Variants in C1QTNF8 observed in about 807,000 individuals in gnomAD.
The protein encoded by C1QTNF8 is C1q and TNF related 8.
In C1QTNF8, 27 loss-of-function variants were observed where a neutral mutation model predicts 19.2. The observed-to-expected ratio is 1.41, with a 90% CI of 1.04 to 1.94. The LOEUF (loss-of-function observed/expected upper bound fraction) is 1.94, where lower values mean the gene tolerates loss of function less well. Ranked by LOEUF, C1QTNF8 falls within the 30% of genes most tolerant of loss-of-function variation. C1QTNF8 has a pLI of 0.00. For synonymous variants in C1QTNF8, 208 were observed against 172.8 expected, an observed-to-expected ratio of 1.20 and a Z score of -1.60; for missense variants, 484 against 374.4, an observed-to-expected ratio of 1.29 and a Z score of -2.42.
chr16:1,094,516 A>C, intron 3 of C1QTNF8, 199 bp downstream of exon 3: 1 of 503,698 alleles, frequency 2.0e-6, no homozygotes, highest in Non-Finnish European at 3.5e-6. Flanking sequence ...ACTTTGGTTC[A>C]TGGGTCCCTC....
intron 3 of C1QTNF8, 148 bp downstream of exon 3, chr16:1,094,567 G>T: frequency 1.8e-6 from 1 of 563,124 alleles, no homozygotes; most frequent in Non-Finnish European, 2.9e-6. Flanking sequence ...GGAGCCCAGG[G>T]GTCCCTGTGC....
intron 4 of C1QTNF8, among the ~76,000 whole-genome samples, chr16:1,092,200 C>A (rs943849453): frequency 1.9e-4 from 29 of 152,214 alleles, no homozygotes; most frequent in African/African-American, 6.3e-4. Flanking sequence ...AGGGCAGGTG[C>A]GGGTCAGACT....
chr16:1,094,342 T>C (rs1475105882), intron 3 of C1QTNF8, among the ~76,000 whole-genome samples: 1 of 152,074 alleles, frequency 6.6e-6, no homozygotes, highest in East Asian at 1.9e-4. Flanking sequence ...ATGAGAAGGC[T>C]GGGAAGGTCC....
intron 2 of C1QTNF8, among the ~76,000 whole-genome samples, chr16:1,095,229 TC>T (rs1358632574): frequency 4.6e-5 from 7 of 152,144 alleles, no homozygotes; most frequent in Admixed American, 6.5e-5. Context: ...GACACAGAGG[TC>T]TCTGAGACAG....
chr16:1,091,333 C>T (rs928976199), intron 4 of C1QTNF8, among the ~76,000 whole-genome samples: 7 of 152,102 alleles, frequency 4.6e-5, no homozygotes, highest in Admixed American at 4.6e-4. Context: ...GCTGCTCCTG[C>T]CCGGGCCCAG....
At position 1,094,801 on chromosome 16, in the gene C1QTNF8, C is replaced by G. The variant is rs771420199; in HGVS notation, c.122G>C (p.Arg41Pro). 5 of 1,529,792 alleles carry G rather than the reference C, an allele frequency of 3.3e-6. No homozygotes were observed. The highest frequency in any genetic ancestry group is 2.6e-5 in the East Asian group (1 of 38,864). The allele number at this position is 1,529,792 out of a possible 1,614,324, so 94.8% of individuals were successfully genotyped here. ...CCTCCACAGGTCCCTGTCACTCACC[C>G]GGGCATAGGGTCCAGGGGGCCAGGC... ...RPAWPPGPYA[R>P]VSDRDLWRGD... The change falls in exon 3 of 5, where the codon CGG becomes CCG. Residue 41 changes from arginine (R) to proline (P), a missense_variant. By Grantham distance (103) the Arg-to-Pro change is moderately radical (BLOSUM62 -2). Coordinates refer to ENST00000328449, the MANE Select transcript of C1QTNF8 (RefSeq NM_207419.3).
At chr16:1,091,753 G>C (rs1960548272) in intron 4 of C1QTNF8, among the ~76,000 whole-genome samples, 1 of 152,098 alleles carries the variant, frequency 6.6e-6, no homozygotes, top group African/African-American at 2.4e-5. Flanking sequence ...CATTCAGACA[G>C]ACTGAGGACC....
chr16:1,090,680 G>C (rs961796997), intron 4 of C1QTNF8, 86 bp from the exon 5 acceptor site: 2 of 152,338 alleles, frequency 1.3e-5, no homozygotes, highest in Admixed American at 1.3e-4. Flanking sequence ...TTGGGAGATG[G>C]CCCCTGACCC....
chr16:1,089,270 G>T lies in C1QTNF8; in HGVS notation c.*1329C>A, dbSNP rs1057188108. On this transcript the variant is annotated 3_prime_UTR_variant, in exon 5 of 5. Transcript: ENST00000328449. ...GGGGCCAAGAACCTCTGCATGGCCA[G>T]CCGGGACCCCCACCCCCAGCAGCCC... Among the ~76,000 whole-genome samples the T allele has an allele frequency of 6.6e-6, 1 of 152,140 alleles. No homozygotes were observed. The highest frequency in any genetic ancestry group is 2.4e-5 in the African/African-American group (1 of 41,418).
Position 1,093,738 on chromosome 16 carries a change from G to C in C1QTNF8, c.522C>G (p.Asn174Lys), listed in dbSNP as rs1324336740. The change falls in exon 4 of 5, where the codon AAC (asparagine) becomes AAG (lysine). Residue 174 changes from asparagine (N) to lysine (K), a missense_variant. Transcript: ENST00000328449. ...TGATGTGCAGGTAGGTCTCCTTGTA[G>C]TTCCAGGTGTGCACGTTGAGGCTGA... ...YFLSLNVHTWNYKETYLHIML... is the reference protein window; with the variant it reads ...YFLSLNVHTWKYKETYLHIML... The C allele has an allele frequency of 1.9e-6, 3 of 1,612,102 alleles. No individual in the cohort carries two copies. Among genetic ancestry groups the C allele is most frequent in the African/African-American group, 2.7e-5 (2 of 74,916 alleles).
chr16:1,096,281 G>A (rs974514846), upstream of C1QTNF8: 5 of 152,214 alleles, frequency 3.3e-5, no homozygotes, highest in South Asian at 2.1e-4. Context: ...CAGCTCCGCC[G>A]AGCCCTGGAC....
chr16:1,093,483 G>T lies in C1QTNF8; in HGVS notation c.*4+14C>A. On this transcript the variant is annotated intron_variant, in intron 4 of 4. Coordinates refer to ENST00000328449, the MANE Select transcript of C1QTNF8 (RefSeq NM_207419.3). The stretch of plus-strand genomic sequence containing the variant: ...GCGCGCGCGCGCCCGGTGCTCAGCC[G>T]CGGGGCCCCTCACCCGGCTACAGCT... 1 of 1,454,704 alleles carries T rather than the reference G, an allele frequency of 6.9e-7. No homozygotes were observed. 90.1% of individuals were successfully genotyped at this position (1,454,704 alleles called of 1,614,324 possible). A position where few individuals can be genotyped will look rare whatever the true frequency, so the allele number is the denominator to read the frequency against.
chr16:1,089,351 C>T lies in C1QTNF8; in HGVS notation c.*1248G>A, dbSNP rs1433321395. On this transcript the variant is annotated 3_prime_UTR_variant, in exon 5 of 5. Coordinates refer to ENST00000328449, the MANE Select transcript of C1QTNF8 (RefSeq NM_207419.3). ...TGCCACACTTGACCCCAACAGGCTCCTCCTGGGGATCCCCCCAAGCAGGAA... is the reference window on the plus strand; with the variant it reads ...TGCCACACTTGACCCCAACAGGCTCTTCCTGGGGATCCCCCCAAGCAGGAA... Among the ~76,000 whole-genome samples the T allele has an allele frequency of 6.6e-6, 1 of 152,138 alleles. No homozygotes were observed. Among genetic ancestry groups the T allele is most frequent in the Non-Finnish European group, 1.5e-5 (1 of 68,022 alleles).
intron 3 of C1QTNF8, 37 bp from the exon 4 acceptor site, chr16:1,094,088 G>A: frequency 1.4e-6 from 2 of 1,385,320 alleles, no homozygotes; most frequent in Middle Eastern, 2.0e-4. Context: ...GTCGGGGCCG[G>A]GCTGGGCAGG....
chr16:1,093,457 C>A, intron 4 of C1QTNF8, 40 bp downstream of exon 4: 2 of 1,351,854 alleles, frequency 1.5e-6, no homozygotes, highest in South Asian at 1.5e-5. Flanking sequence ...CACACACACA[C>A]GCGCGCGCGC....
chr16:1,094,561 C>G (rs907121595), intron 3 of C1QTNF8, 154 bp downstream of exon 3: 3 of 547,224 alleles, frequency 5.5e-6, no homozygotes, highest in African/African-American at 4.0e-5. Context: ...GCGGGGGGAG[C>G]CCAGGGGTCC....
chr16:1,091,490 C>T (rs1249879052), intron 4 of C1QTNF8, among the ~76,000 whole-genome samples: 1 of 152,018 alleles, frequency 6.6e-6, no homozygotes, highest in African/African-American at 2.4e-5. Flanking sequence ...GGAGAGCTTC[C>T]GGGAGGGGCC....
rs1171555604 is a variant in C1QTNF8, at chr16:1,089,291, A to T, written c.*1308T>A. On this transcript the variant is annotated 3_prime_UTR_variant, in exon 5 of 5. Transcript: ENST00000328449. ...GCCAGCCGGGACCCCCACCCCCAGC[A>T]GCCCATACCCCCCACCTCTGGTTCT... 6.6e-6 allele frequency among the ~76,000 whole-genome samples: 1 copy of T among 150,576 alleles called. No individual in the cohort carries two copies. The highest frequency in any genetic ancestry group is 1.5e-5 in the Non-Finnish European group (1 of 67,534).
chr16:1,089,338 C>G lies in C1QTNF8; in HGVS notation c.*1261G>C, dbSNP rs1960496078. Among the ~76,000 whole-genome samples the G allele has an allele frequency of 6.6e-6, 1 of 152,222 alleles. No homozygotes were observed. Among genetic ancestry groups the G allele is most frequent in the Admixed American group, 6.5e-5 (1 of 15,302 alleles). On this transcript the variant is annotated 3_prime_UTR_variant, in exon 5 of 5. Coordinates refer to ENST00000328449, the MANE Select transcript of C1QTNF8 (RefSeq NM_207419.3). ...TTCTTCAAGCACCTGCCACACTTGA[C>G]CCCAACAGGCTCCTCCTGGGGATCC...
Sources: gnomAD v4.1 joint callset for allele counts (sites outside exome capture counted in the v4.1 genomes callset) on GRCh38, gnomAD v4.1.1 for gene constraint, MANE v1.5 for transcripts, NCBI Gene and HGNC (gene_info 2026-07-23, HGNC 2026-07-21) for gene names.